The following GPHN variants were observed in gnomAD, a reference collection of about 807,000 sequenced individuals.
GPHN encodes the protein gephyrin.
Under a neutral mutation model 95.5 loss-of-function variants are expected in GPHN, and 17 were observed. The observed-to-expected ratio is 0.18, with a 90% CI of 0.12 to 0.27. The LOEUF (loss-of-function observed/expected upper bound fraction) is 0.27. GPHN is among the 10% of genes least tolerant of loss of function. The pLI is 1.00. For synonymous variants in GPHN, 320 were observed against 322.5 expected, an observed-to-expected ratio of 0.99 and a Z score of 0.08; for missense variants, 660 against 978.1, an observed-to-expected ratio of 0.67 and a Z score of 4.34.
At chr14:67,481,386 G>A in the GPHN span, among the ~76,000 whole-genome samples, 2 of 152,218 alleles carry the variant, frequency 1.3e-5, no homozygotes, top group Non-Finnish European at 2.9e-5. Context: ...GGAAGCCATG[G>A]GTAGTAGATG....
intron 1 of GPHN, among the ~76,000 whole-genome samples, chr14:66,526,257 G>T (rs1395256548): frequency 1.3e-5 from 2 of 152,086 alleles, no homozygotes; most frequent in East Asian, 3.9e-4. Context: ...CTTGTGAATG[G>T]GAGTTCACTC....
intron 1 of GPHN, among the ~76,000 whole-genome samples, chr14:66,561,060 G>A (rs865992957): frequency 6.6e-6 from 1 of 152,144 alleles, no homozygotes. Flanking sequence ...ATTTGCATAT[G>A]TTGAACCAGC....
At chr14:67,139,761 C>T (rs576004718) in intron 17 of GPHN, among the ~76,000 whole-genome samples, 1 of 152,234 alleles carries the variant, frequency 6.6e-6, no homozygotes, top group East Asian at 1.9e-4. Flanking sequence ...CTGATCAAAT[C>T]TCCAGAAGCC....
chr14:67,337,152 A>C, the GPHN span, among the ~76,000 whole-genome samples: 1 of 152,362 alleles, frequency 6.6e-6, no homozygotes, highest in East Asian at 1.9e-4. Context: ...AGTGCCTGGC[A>C]CATAACTAAG....
the GPHN span, chr14:67,615,945 A>G: frequency 6.1e-6 from 3 of 487,898 alleles, no homozygotes; most frequent in East Asian, 1.3e-4. Context: ...GGAAAAATAC[A>G]GAAAGGATAC....
At chr14:67,573,436 C>A in the GPHN span, 1 of 1,112,350 alleles carries the variant, frequency 9.0e-7, no homozygotes, top group Non-Finnish European at 1.4e-6. The surrounding 1 kb of genome is among the most constrained non-coding windows in gnomAD (Gnocchi z 4.8). Flanking sequence ...CCACATCACA[C>A]CCTGGACTAT....
At chr14:67,702,771 T>A in the GPHN span, among the ~76,000 whole-genome samples, 1 of 152,216 alleles carries the variant, frequency 6.6e-6, no homozygotes, top group Non-Finnish European at 1.5e-5. Context: ...TAAACACATC[T>A]AAACACACAT....
the GPHN span, among the ~76,000 whole-genome samples, chr14:67,458,241 T>C: frequency 1.3e-5 from 2 of 152,034 alleles, no homozygotes; most frequent in East Asian, 1.9e-4. Context: ...CTATGGAAGA[T>C]GGATTTGTGG....
the GPHN span, among the ~76,000 whole-genome samples, chr14:67,469,677 G>A: frequency 6.6e-6 from 1 of 151,948 alleles, no homozygotes; most frequent in Admixed American, 6.6e-5. Context: ...GTGGTGGGAG[G>A]ACAGGGAAGC....
chr14:66,871,014 A>AGTG (rs1222478765), intron 4 of GPHN, among the ~76,000 whole-genome samples: 1 of 152,246 alleles, frequency 6.6e-6, no homozygotes, highest in Non-Finnish European at 1.5e-5. Context: ...GGCAAAATCC[A>AGTG]GTGGTATGTT....
At chr14:67,461,909 G>T in the GPHN span, among the ~76,000 whole-genome samples, 2 of 152,198 alleles carry the variant, frequency 1.3e-5, no homozygotes, top group African/African-American at 4.8e-5. Flanking sequence ...GTTTGAAGAG[G>T]GCCGGGCGAG....
At chr14:67,631,319 A>G in the GPHN span, among the ~76,000 whole-genome samples, 1 of 152,142 alleles carries the variant, frequency 6.6e-6, no homozygotes, top group Non-Finnish European at 1.5e-5. Flanking sequence ...CAATGAACAG[A>G]TGAACAGTGT....
intron 10 of GPHN, among the ~76,000 whole-genome samples, chr14:67,056,758 G>A (rs887321901): frequency 2.6e-5 from 4 of 152,202 alleles, no homozygotes; most frequent in Admixed American, 2.6e-4. Context: ...CATGGGACTG[G>A]GCGCTGTGGA....
intron 17 of GPHN, among the ~76,000 whole-genome samples, chr14:67,128,068 A>G (rs951695477): frequency 2.0e-5 from 3 of 152,060 alleles, no homozygotes; most frequent in African/African-American, 7.2e-5. Flanking sequence ...TCTTTTTGCT[A>G]TGCTCATTCC....
At chr14:66,911,636 G>A (rs2065678618) in intron 5 of GPHN, among the ~76,000 whole-genome samples, 1 of 151,822 alleles carries the variant, frequency 6.6e-6, no homozygotes, top group South Asian at 2.1e-4. Flanking sequence ...GTCATACCTT[G>A]TTGTGTATTT....
intron 9 of GPHN, among the ~76,000 whole-genome samples, chr14:66,967,679 A>G (rs959460506): frequency 2.0e-5 from 3 of 151,934 alleles, no homozygotes; most frequent in Admixed American, 6.6e-5. Context: ...CTCAACATGT[A>G]AAATAAACAG....
intron 1 of GPHN, among the ~76,000 whole-genome samples, chr14:66,559,330 G>C (rs1323876381): frequency 7.1e-6 from 1 of 141,086 alleles, no homozygotes; most frequent in Admixed American, 7.2e-5. Context: ...TTCCACAATG[G>C]TGGAACTAGT....
At chr14:67,232,949 A>G in the GPHN span, among the ~76,000 whole-genome samples, 1 of 152,158 alleles carries the variant, frequency 6.6e-6, no homozygotes, top group Non-Finnish European at 1.5e-5. Flanking sequence ...ACAGATTTAC[A>G]CAGCTACAAA....
the GPHN span, chr14:67,692,345 A>C: frequency 2.4e-4 from 323 of 1,371,584 alleles, no homozygotes; most frequent in Non-Finnish European, 2.6e-4. Context: ...TTTATCCACC[A>C]CTTCTATGAG....
Sources: allele counts gnomAD v4.1 joint callset (sites outside exome capture counted in the v4.1 genomes callset), GRCh38; gene constraint gnomAD v4.1.1; non-coding constraint Gnocchi (gnomAD v3.1); transcripts MANE v1.5; gene names NCBI Gene and HGNC (gene_info 2026-07-23, HGNC 2026-07-21).